The following NEGR1 variants were observed in gnomAD, a reference collection of about 807,000 sequenced individuals.
The protein encoded by NEGR1 is neuronal growth regulator 1, also known as IgLON family member 4.
In NEGR1, 10 loss-of-function variants were observed where a neutral mutation model predicts 40.9. That is an observed-to-expected ratio of 0.24 (90% CI 0.15 to 0.42). The LOEUF (loss-of-function observed/expected upper bound fraction) is 0.42. Among genes scored for constraint, NEGR1 ranks in the 10% least tolerant of loss-of-function variants. NEGR1 has a pLI of 1.00. For synonymous variants in NEGR1, 185 were observed against 166.8 expected (o/e 1.11, Z -0.84); for missense variants, 352 against 438.9 (o/e 0.80, Z 1.77).
intron 6 of NEGR1, among the ~76,000 whole-genome samples, chr1:71,537,260 A>G (rs1422022240): frequency 1.3e-5 from 2 of 151,750 alleles, no homozygotes; most frequent in Non-Finnish European, 3.0e-5. Flanking sequence ...CACACATGTA[A>G]TAAGGAGTAG....
chr1:72,263,513 C>A (rs1292684464), intron 1 of NEGR1, among the ~76,000 whole-genome samples: 2 of 151,696 alleles, frequency 1.3e-5, no homozygotes, highest in East Asian at 3.9e-4. Context: ...TTTGAAATTA[C>A]CTATGCAAGT....
intron 3 of NEGR1, among the ~76,000 whole-genome samples, chr1:71,774,676 G>A (rs1356613198): frequency 1.4e-5 from 1 of 72,528 alleles, no homozygotes; most frequent in Non-Finnish European, 3.5e-5. Context: ...CCTTGCTCAG[G>A]GTATTTTCAC....
chr1:71,567,193 T>TTG lies in NEGR1; in HGVS notation c.940+25622_940+25623dup, dbSNP rs556149781. Among the ~76,000 whole-genome samples, 1,182 of 152,116 alleles carry TTG rather than the reference T, an allele frequency of 7.8e-3. 27 individuals carry two copies. The highest frequency in any genetic ancestry group is 0.027 in the African/African-American group (1,130 of 41,524). Reference sequence around the variant, plus strand: ...ACAACATTCTTTTCTTTTCTTTTTGTTGTGTGTGTGTGGTTTTATTTTTAC... The same window carrying TTG: ...ACAACATTCTTTTCTTTTCTTTTTGTTGTGTGTGTGTGTGGTTTTATTTTTAC... On this transcript the variant is annotated intron_variant, in intron 6 of 6. Coordinates refer to ENST00000357731, the MANE Select transcript of NEGR1 (RefSeq NM_173808.3).
exon 1 of NEGR1, chr1:72,282,538 TCC>T (rs778551742): frequency 4.8e-6 from 6 of 1,258,558 alleles, no homozygotes; most frequent in Admixed American, 4.7e-5. Flanking sequence ...CAGCTCGCAC[TCC>T]CCCACCCCCT....
At chr1:71,670,329 A>ATAT (rs1375803268) in intron 4 of NEGR1, among the ~76,000 whole-genome samples, 1 of 151,812 alleles carries the variant, frequency 6.6e-6, no homozygotes, top group African/African-American at 2.4e-5. Flanking sequence ...TCTTTTGAAG[A>ATAT]TATTGTGTGT....
rs143491750 is a variant in NEGR1 at position 72,095,824 on chromosome 1, A to G, written c.177-160513T>C. On this transcript the variant is annotated intron_variant, in intron 1 of 6. Coordinates refer to ENST00000357731, the MANE Select transcript of NEGR1 (RefSeq NM_173808.3). The stretch of plus-strand genomic sequence containing the variant: ...AGCCAATCTCAGGTTAGGAATACCT[A>G]CGAGGGTGAATTATGATGAAATTGG... Among the ~76,000 whole-genome samples, 380 of 152,228 alleles carry G rather than the reference A, an allele frequency of 2.5e-3. 1 individual carries two copies. Among genetic ancestry groups the G allele is most frequent in the African/African-American group, 8.7e-3 (361 of 41,554 alleles).
chr1:72,221,947 C>T (rs1654027092), intron 1 of NEGR1, among the ~76,000 whole-genome samples: 1 of 152,034 alleles, frequency 6.6e-6, no homozygotes, highest in African/African-American at 2.4e-5. Flanking sequence ...TGTTCTAGGC[C>T]CACCCCCAAG....
At chr1:72,232,819 A>G in intron 1 of NEGR1, among the ~76,000 whole-genome samples, 1 of 152,142 alleles carries the variant, frequency 6.6e-6, no homozygotes, top group East Asian at 1.9e-4. Flanking sequence ...GTTACCACAT[A>G]AGTTTGAGTT....
chr1:72,182,720 G>A (rs1327182503), intron 1 of NEGR1, among the ~76,000 whole-genome samples: 2 of 151,048 alleles, frequency 1.3e-5, no homozygotes, highest in South Asian at 4.2e-4. Flanking sequence ...TATATATGAT[G>A]AAATTAAAAT....
intron 1 of NEGR1, among the ~76,000 whole-genome samples, chr1:72,136,392 C>A (rs996039003): frequency 6.6e-6 from 1 of 151,542 alleles, no homozygotes; most frequent in Non-Finnish European, 1.5e-5. Context: ...TAATAGAAAC[C>A]ACCCAAAATG....
chr1:71,907,937 T>A (rs1012892947), intron 2 of NEGR1, among the ~76,000 whole-genome samples: 2 of 151,994 alleles, frequency 1.3e-5, no homozygotes, highest in Non-Finnish European at 2.9e-5. Flanking sequence ...CACTTACAAG[T>A]GGGAGCTAAA....
At chr1:72,196,332 T>C (rs1299856606) in intron 1 of NEGR1, among the ~76,000 whole-genome samples, 3 of 152,056 alleles carry the variant, frequency 2.0e-5, no homozygotes, top group African/African-American at 7.2e-5. Context: ...TGCCAAGCAT[T>C]TCAGATAAGA....
At chr1:71,492,274 C>G (rs1050363961) in intron 6 of NEGR1, among the ~76,000 whole-genome samples, 1 of 152,032 alleles carries the variant, frequency 6.6e-6, no homozygotes, top group Non-Finnish European at 1.5e-5. Flanking sequence ...CGGGAGTGAG[C>G]CTGTCTGCCT....
At chr1:72,137,115 TGAA>T (rs1205454707) in intron 1 of NEGR1, among the ~76,000 whole-genome samples, 1 of 152,064 alleles carries the variant, frequency 6.6e-6, no homozygotes, top group East Asian at 1.9e-4. Flanking sequence ...GGAGAGGATG[TGAA>T]GAAACAGGAA....
chr1:71,424,078 C>T (rs1277345202), intron 6 of NEGR1, among the ~76,000 whole-genome samples: 1 of 46,646 alleles, frequency 2.1e-5, no homozygotes, highest in African/African-American at 6.0e-5. Flanking sequence ...ATAGTTAGGA[C>T]TTTAAAGAAA....
intron 6 of NEGR1, among the ~76,000 whole-genome samples, chr1:71,558,399 G>C (rs11209794): frequency 1.3e-5 from 2 of 151,542 alleles, no homozygotes; most frequent in Admixed American, 6.6e-5. Flanking sequence ...ATCATTATAC[G>C]TCAGCAAATG....
intron 1 of NEGR1, among the ~76,000 whole-genome samples, chr1:72,227,439 G>A (rs549192309): frequency 5.3e-5 from 8 of 152,116 alleles, no homozygotes; most frequent in Admixed American, 1.3e-4. Flanking sequence ...AAACTGCTTT[G>A]CAAGAGAAGC....
chr1:71,631,687 T>C (rs1650973959), intron 4 of NEGR1, among the ~76,000 whole-genome samples: 1 of 151,776 alleles, frequency 6.6e-6, no homozygotes, highest in South Asian at 2.1e-4. Context: ...AAAACAAGAC[T>C]AACTAGAATT....
At chr1:72,021,901 C>T (rs1000428106) in intron 1 of NEGR1, among the ~76,000 whole-genome samples, 9 of 151,960 alleles carry the variant, frequency 5.9e-5, no homozygotes, top group African/African-American at 9.7e-5. Context: ...TTTGGGAGGC[C>T]GAGGCGGGCG....
Sources: allele counts gnomAD v4.1 joint callset (sites outside exome capture counted in the v4.1 genomes callset), GRCh38; gene constraint gnomAD v4.1.1; transcripts MANE v1.5; gene names NCBI Gene and HGNC (gene_info 2026-07-23, HGNC 2026-07-21).